RNF150: variants seen among roughly 807,000 people sequenced by gnomAD.
The protein encoded by RNF150 is ring finger protein 150.
In RNF150, 24 loss-of-function variants were observed where a neutral mutation model predicts 39.3. The observed-to-expected ratio is 0.61, with a 90% CI of 0.44 to 0.86. RNF150 has a LOEUF of 0.86. RNF150 is among the 40% of genes least tolerant of loss of function. The pLI, the probability that RNF150 is intolerant of heterozygous loss-of-function variation, is 0.00. For synonymous variants in RNF150, 255 were observed against 227.3 expected (o/e 1.12, Z -1.10); for missense variants, 502 against 587.8 (o/e 0.85, Z 1.51).
At chr4:141,031,921 A>G (rs986576372) in intron 1 of RNF150, among the ~76,000 whole-genome samples, 13 of 152,110 alleles carry the variant, frequency 8.5e-5, no homozygotes, top group Middle Eastern at 3.4e-3. Flanking sequence ...GAGCACCCCC[A>G]TGTTCCCTGT....
intron 1 of RNF150, among the ~76,000 whole-genome samples, chr4:141,125,036 A>G (rs1353927881): frequency 3.3e-5 from 5 of 152,228 alleles, no homozygotes; most frequent in Non-Finnish European, 7.4e-5. Flanking sequence ...TGGGCGAAGT[A>G]AAAAAGTGAA....
At chr4:141,205,261 A>G (rs1391533154) in intron 1 of RNF150, among the ~76,000 whole-genome samples, 2 of 152,186 alleles carry the variant, frequency 1.3e-5, no homozygotes, top group Non-Finnish European at 2.9e-5. Context: ...AGCTATTCAC[A>G]TACAATGTTT....
chr4:140,895,420 A>G (rs1033931467), intron 6 of RNF150, among the ~76,000 whole-genome samples: 3 of 152,202 alleles, frequency 2.0e-5, no homozygotes, highest in African/African-American at 7.2e-5. Context: ...AGCAAAAAAC[A>G]TATGTCTCTG....
chr4:141,024,273 G>A (rs1237429597), intron 1 of RNF150, among the ~76,000 whole-genome samples: 1 of 152,076 alleles, frequency 6.6e-6, no homozygotes, highest in Non-Finnish European at 1.5e-5. Context: ...TGGAAGACAA[G>A]GATAAGGGTG....
At chr4:141,194,859 G>A (rs769232682) in intron 1 of RNF150, among the ~76,000 whole-genome samples, 2 of 152,122 alleles carry the variant, frequency 1.3e-5, no homozygotes, top group African/African-American at 4.8e-5. Context: ...TTCATCTTGT[G>A]CTTCAGTTGC....
intron 1 of RNF150, among the ~76,000 whole-genome samples, chr4:141,079,639 C>T (rs543633066): frequency 6.6e-6 from 1 of 152,340 alleles, no homozygotes; most frequent in South Asian, 2.1e-4. Flanking sequence ...GCACTACAGA[C>T]AGCAATGGAA....
intron 1 of RNF150, among the ~76,000 whole-genome samples, chr4:141,142,533 G>A (rs756174831): frequency 5.9e-5 from 9 of 152,170 alleles, no homozygotes; most frequent in Non-Finnish European, 1.2e-4. Flanking sequence ...ATTGGCTATC[G>A]TAGTTGTCAC....
At chr4:141,185,747 T>G (rs1403813626) in intron 1 of RNF150, among the ~76,000 whole-genome samples, 1 of 152,244 alleles carries the variant, frequency 6.6e-6, no homozygotes, top group East Asian at 1.9e-4. Context: ...GAAGGGGTGT[T>G]GAATTTTATC....
chr4:141,211,362 C>T (rs1186032349), intron 1 of RNF150, among the ~76,000 whole-genome samples: 1 of 152,026 alleles, frequency 6.6e-6, no homozygotes, highest in Admixed American at 6.5e-5. Context: ...TTCAAGAAAA[C>T]CTCATTGAAG....
intron 1 of RNF150, among the ~76,000 whole-genome samples, chr4:141,005,048 G>T (rs532366824): frequency 8.5e-5 from 13 of 152,308 alleles, no homozygotes; most frequent in African/African-American, 3.1e-4. Context: ...AACTAACAGG[G>T]CTTGGCAGGA....
At chr4:140,990,864 G>C (rs1298303643) in intron 1 of RNF150, among the ~76,000 whole-genome samples, 1 of 151,992 alleles carries the variant, frequency 6.6e-6, no homozygotes, top group Non-Finnish European at 1.5e-5. Context: ...AATGAGATTG[G>C]TGGATCAAAG....
At chr4:140,927,650 C>CT (rs70946712) in intron 4 of RNF150, among the ~76,000 whole-genome samples, 5 of 126,892 alleles carry the variant, frequency 3.9e-5, no homozygotes, top group African/African-American at 5.9e-5. Flanking sequence ...TTTTTTGTTT[C>CT]TTTTTTTTTT....
chr4:141,039,635 T>C (rs920585413), intron 1 of RNF150, among the ~76,000 whole-genome samples: 1 of 152,114 alleles, frequency 6.6e-6, no homozygotes, highest in Non-Finnish European at 1.5e-5. Context: ...GGGTGGTTGA[T>C]TCCCTATTTT....
chr4:141,132,254 C>A lies in RNF150; in HGVS notation c.484+71G>T. 6.8e-7 allele frequency: 1 copy of A among 1,478,292 alleles called. No individual in the cohort carries two copies. 91.6% of individuals were successfully genotyped at this position (1,478,292 alleles called of 1,614,324 possible). The stretch of plus-strand genomic sequence containing the variant: ...GGACTTCCCAGAAGGAGCCTGGAGG[C>A]AGGCGCTGGATCCCTCTAGGCACCT... On this transcript the variant is annotated intron_variant, in intron 1 of 6. Transcript: ENST00000515673. The surrounding 1 kb of genome is among the most constrained non-coding windows in gnomAD (Gnocchi z 4.9).
At chr4:141,078,814 T>G (rs1172929263) in intron 1 of RNF150, among the ~76,000 whole-genome samples, 1 of 90,382 alleles carries the variant, frequency 1.1e-5, no homozygotes, top group Non-Finnish European at 2.1e-5. Flanking sequence ...AAAAAATATA[T>G]ATATATATAT....
chr4:141,102,273 G>C (rs373879834), intron 1 of RNF150, among the ~76,000 whole-genome samples: 2 of 152,108 alleles, frequency 1.3e-5, no homozygotes, highest in African/African-American at 4.8e-5. Flanking sequence ...TCTTGATTAG[G>C]ATCTCACTGC....
At chr4:141,126,751 G>A (rs1477595781) in intron 1 of RNF150, among the ~76,000 whole-genome samples, 1 of 152,184 alleles carries the variant, frequency 6.6e-6, no homozygotes, top group Non-Finnish European at 1.5e-5. Flanking sequence ...AGTATTCTAA[G>A]TTTTAAATAC....
intron 1 of RNF150, among the ~76,000 whole-genome samples, chr4:141,063,800 G>A (rs949147298): frequency 5.3e-5 from 8 of 152,202 alleles, no homozygotes; most frequent in East Asian, 3.9e-4. Flanking sequence ...GTGTGTGCCC[G>A]TATGTGTGTG....
chr4:141,138,314 A>G (rs1364506317), upstream of RNF150, among the ~76,000 whole-genome samples: 1 of 152,142 alleles, frequency 6.6e-6, no homozygotes, highest in Admixed American at 6.5e-5. Context: ...TGCATTTTTA[A>G]TGCAATCAAA....
Sources: gnomAD v4.1 joint callset for allele counts (sites outside exome capture counted in the v4.1 genomes callset) on GRCh38, gnomAD v4.1.1 for gene constraint, Gnocchi (gnomAD v3.1) non-coding constraint, MANE v1.5 for transcripts, NCBI Gene and HGNC (gene_info 2026-07-23, HGNC 2026-07-21) for gene names.